Variants in BPTF observed in about 807,000 individuals in gnomAD.
The protein encoded by BPTF is bromodomain PHD finger transcription factor, also known as nucleosome-remodeling factor subunit BPTF.
In BPTF, 18 loss-of-function variants were observed where a neutral mutation model predicts 292.5. The observed-to-expected ratio is 0.06, with a 90% CI of 0.04 to 0.09. The LOEUF (loss-of-function observed/expected upper bound fraction) is 0.09. BPTF is among the 10% of genes least tolerant of loss of function. The probability of loss-of-function intolerance (pLI) is 1.00; values close to 1 mark genes in which losing one functional copy is unlikely to be tolerated. For missense variants in BPTF, 2,726 were observed against 3,498.7 expected (o/e 0.78, Z 5.57); for synonymous variants, 1,225 against 1,251.9 (o/e 0.98, Z 0.45).
chr17:67,876,950 G>A (rs933437949), intron 4 of BPTF, among the ~76,000 whole-genome samples: 6 of 152,218 alleles, frequency 3.9e-5, no homozygotes, highest in African/African-American at 1.4e-4. Context: ...GGGTGAGAGT[G>A]TTGGACAGCT....
intron 18 of BPTF, among the ~76,000 whole-genome samples, chr17:67,937,041 G>A (rs992254335): frequency 6.6e-6 from 1 of 152,090 alleles, no homozygotes; most frequent in African/African-American, 2.4e-5. Flanking sequence ...ACAAAATAAT[G>A]CCCTCATGAA....
chr17:67,903,743 T>C, intron 7 of BPTF, 46 bp from the exon 8 acceptor site: 5 of 1,470,780 alleles, frequency 3.4e-6, no homozygotes, highest in Non-Finnish European at 4.5e-6. Context: ...ATCTTTTCTG[T>C]TTATTTTTCC....
In BPTF at chr17:67,946,176, G is replaced by T. The variant is rs2065799916; in HGVS notation, c.7468G>T (p.Val2490Phe). 2 of 1,614,198 alleles carry T rather than the reference G, an allele frequency of 1.2e-6. No individual in the cohort carries two copies. The highest frequency in any genetic ancestry group is 1.3e-5 in the African/African-American group (1 of 75,046). ...GCAGACTCACCAGATTCAGAATGTG[G>T]TTACAGTGCAGGCAGCCAGTGTGCA... Reference protein sequence around the residue: ...AVQTHQIQNVVTVQAASVQEQ... With the variant: ...AVQTHQIQNVFTVQAASVQEQ... Residue 2490 changes from valine (V) to phenylalanine (F), a missense_variant, in exon 21 of 28, where the codon GTT (valine) becomes TTT (phenylalanine). Val to Phe is a conservative substitution (Grantham distance 50). Transcript: ENST00000306378.
At chr17:67,867,665 A>G (rs2059466485) in intron 3 of BPTF, among the ~76,000 whole-genome samples, 1 of 151,784 alleles carries the variant, frequency 6.6e-6, no homozygotes, top group African/African-American at 2.4e-5. Context: ...AGTTGGGAGG[A>G]GTAGTGGTTA....
chr17:67,917,319 T>A (rs1342296384), intron 11 of BPTF, among the ~76,000 whole-genome samples: 1 of 151,820 alleles, frequency 6.6e-6, no homozygotes, highest in Non-Finnish European at 1.5e-5. Flanking sequence ...GAGATGGGGT[T>A]TCACTATGTT....
chr17:67,841,638 G>A (rs754206695), intron 1 of BPTF, among the ~76,000 whole-genome samples: 59 of 152,134 alleles, frequency 3.9e-4, no homozygotes, highest in Non-Finnish European at 7.5e-4. Context: ...CTGGGCTCAA[G>A]CAGTCCACCC....
chr17:67,911,462 T>C lies in BPTF; in HGVS notation c.3578T>C (p.Val1193Ala), dbSNP rs1333708998. 1.2e-6 allele frequency: 2 copies of C among 1,613,952 alleles called. No individual in the cohort carries two copies. The highest frequency in any genetic ancestry group is 1.3e-5 in the African/African-American group (1 of 74,910). ...NSIENDIEEK[V>A]SDLASRGQEP... ...ATTGAAAATGACATAGAAGAAAAAG[T>C]CTCTGACCTTGCCAGTAGAGGCCAG... is the stretch of plus-strand genomic sequence containing the variant. Residue 1193 changes from valine to alanine, a missense_variant, in exon 11 of 28, where the codon GTC becomes GCC. Physicochemically the swap from Val to Ala is moderately conservative, Grantham distance 64 (BLOSUM62 0). Coordinates refer to ENST00000306378, the MANE Select transcript of BPTF (RefSeq NM_182641.4).
intron 23 of BPTF, among the ~76,000 whole-genome samples, chr17:67,957,857 A>G (rs1250415849): frequency 6.6e-6 from 1 of 152,224 alleles, no homozygotes; most frequent in Non-Finnish European, 1.5e-5. Flanking sequence ...CACTGTCTCC[A>G]CATAAGAAAT....
chr17:67,951,192 CCT>C (rs143960583), intron 23 of BPTF: 27 of 150,206 alleles, frequency 1.8e-4, no homozygotes, highest in East Asian at 3.9e-4. Flanking sequence ...TAACCTTCAG[CCT>C]CTCTCTCTCT....
intron 4 of BPTF, among the ~76,000 whole-genome samples, chr17:67,890,339 GTTTA>G (rs1454970314): frequency 2.0e-5 from 3 of 152,096 alleles, no homozygotes; most frequent in African/African-American, 7.2e-5. Context: ...ATATTTTTCT[GTTTA>G]TTTCTTCTTT....
intron 4 of BPTF, among the ~76,000 whole-genome samples, chr17:67,875,314 G>A (rs781214973): frequency 8.6e-5 from 13 of 151,958 alleles, no homozygotes; most frequent in Non-Finnish European, 1.8e-4. Flanking sequence ...ATACACTTTT[G>A]TATGTGATAA....
chr17:67,843,127 T>C (rs1461254906), intron 1 of BPTF, among the ~76,000 whole-genome samples: 1 of 150,236 alleles, frequency 6.7e-6, no homozygotes, highest in African/African-American at 2.4e-5. Context: ...TGTAGATATA[T>C]ACCTATATCT....
At chr17:67,941,314 G>A (rs1299255035) in intron 19 of BPTF, among the ~76,000 whole-genome samples, 4 of 152,134 alleles carry the variant, frequency 2.6e-5, no homozygotes, top group African/African-American at 4.8e-5. Flanking sequence ...TTAGCTGGGC[G>A]TGGTGGCATG....
intron 3 of BPTF, among the ~76,000 whole-genome samples, chr17:67,871,903 G>A (rs1043751103): frequency 2.0e-5 from 3 of 152,066 alleles, no homozygotes; most frequent in Non-Finnish European, 2.9e-5. Flanking sequence ...TCGGCTCACT[G>A]CAACCTCTGT....
intron 21 of BPTF, among the ~76,000 whole-genome samples, chr17:67,946,997 G>A (rs2065858797): frequency 6.6e-6 from 1 of 152,180 alleles, no homozygotes; most frequent in Non-Finnish European, 1.5e-5. Context: ...GATTTTAAGT[G>A]TTACCAAGTT....
rs1022259483 is a variant in BPTF, at chr17:67,959,964, A to G, written c.8261+89A>G. Reference sequence around the variant, plus strand: ...GAAGAAAATGAATATTTTGGGAGTGATATAAATGAAAATATTAAATTTAAG... The same window carrying G: ...GAAGAAAATGAATATTTTGGGAGTGGTATAAATGAAAATATTAAATTTAAG... On this transcript the variant is annotated intron_variant, in intron 24 of 27. Transcript: ENST00000306378. 1.9e-5 allele frequency: 19 copies of G among 997,766 alleles called. No homozygotes were observed. In the African/African-American group the frequency reaches 2.8e-4, roughly 15 times the overall value. 61.8% of individuals were successfully genotyped at this position (997,766 alleles called of 1,614,324 possible).
At chr17:67,834,357 G>A (rs2056961752) in intron 1 of BPTF, among the ~76,000 whole-genome samples, 2 of 152,198 alleles carry the variant, frequency 1.3e-5, no homozygotes, top group South Asian at 4.1e-4. Context: ...CTAAGTGAAT[G>A]TTCCATATGT....
At chr17:67,833,935 G>A (rs2056927156) in intron 1 of BPTF, among the ~76,000 whole-genome samples, 1 of 152,192 alleles carries the variant, frequency 6.6e-6, no homozygotes, top group Non-Finnish European at 1.5e-5. Context: ...TGGTGAGTGG[G>A]AGAAAAGGAT....
At chr17:67,875,528 T>A in intron 4 of BPTF, 4 of 1,438,148 alleles carry the variant, frequency 2.8e-6, no homozygotes, top group African/African-American at 1.4e-5. Flanking sequence ...AGAATATCTT[T>A]GAAGTTTTGT....
Sources: allele counts gnomAD v4.1 joint callset (sites outside exome capture counted in the v4.1 genomes callset), GRCh38; gene constraint gnomAD v4.1.1; transcripts MANE v1.5; gene names NCBI Gene and HGNC (gene_info 2026-07-23, HGNC 2026-07-21).